Variants in CD226 observed in about 807,000 individuals in gnomAD.
The protein encoded by CD226 is CD226 antigen.
A neutral mutation model predicts 34.9 loss-of-function variants in CD226; 24 were observed. That is an observed-to-expected ratio of 0.69 (90% CI 0.50 to 0.97). CD226 has a LOEUF of 0.97. CD226 is among the 50% of genes least tolerant of loss of function. CD226 has a pLI of 0.00. For synonymous variants in CD226, 148 were observed against 147.4 expected (o/e 1.00, Z -0.03); for missense variants, 397 against 412.7 (o/e 0.96, Z 0.33).
rs559355708 is a variant in CD226, at chr18:69,947,777, A to G, written c.-371T>C. On this transcript the variant is annotated 5_prime_UTR_variant, in exon 1 of 6. The change abolishes the stop of an existing upstream ORF in the 5' untranslated region. Transcript: ENST00000582621. ...AAAAAATATTGCCATGATAGAACTT[A>G]CATTCTATGTGGAGGAGGCAGAAAC... 1 of 163,756 alleles carries G rather than the reference A, an allele frequency of 6.1e-6. No individual in the cohort carries two copies. Among genetic ancestry groups the G allele is most frequent in the East Asian group, 1.7e-4 (1 of 5,952 alleles). The allele number at this position is 163,756 out of a possible 1,614,324, so 10.1% of individuals were successfully genotyped here.
intron 3 of CD226, among the ~76,000 whole-genome samples, chr18:69,889,348 T>C (rs1044573835): frequency 2.0e-5 from 3 of 152,138 alleles, no homozygotes. Flanking sequence ...AAGGCTGAGG[T>C]TCACCACACA....
chr18:69,905,521 G>T (rs920824029), intron 2 of CD226, among the ~76,000 whole-genome samples: 2 of 152,132 alleles, frequency 1.3e-5, no homozygotes, highest in Admixed American at 1.3e-4. Flanking sequence ...GCACCGCGGG[G>T]CAGAGGGCAG....
intron 4 of CD226, 87 bp from the exon 5 acceptor site, chr18:69,867,498 T>C: frequency 1.2e-6 from 1 of 827,682 alleles, no homozygotes; most frequent in Non-Finnish European, 2.1e-6. Context: ...ACTGTACCCC[T>C]AGCCCACATG....
intron 3 of CD226, among the ~76,000 whole-genome samples, chr18:69,884,741 A>T (rs560191680): frequency 6.6e-6 from 1 of 152,314 alleles, no homozygotes; most frequent in African/African-American, 2.4e-5. Context: ...GCTAACACAC[A>T]CAGTCATCCC....
intron 2 of CD226, among the ~76,000 whole-genome samples, chr18:69,905,318 C>T (rs1282217898): frequency 6.6e-6 from 1 of 151,438 alleles, no homozygotes; most frequent in Non-Finnish European, 1.5e-5. Flanking sequence ...TGCACTTGTC[C>T]TTGTTAAAAT....
intron 4 of CD226, among the ~76,000 whole-genome samples, chr18:69,872,831 G>A (rs550627419): frequency 3.6e-4 from 55 of 152,148 alleles, no homozygotes; most frequent in African/African-American, 1.2e-3. Context: ...TCCATCTCGC[G>A]CTGTGTCATA....
At chr18:69,948,494 T>C (rs2055819121), upstream of CD226, among the ~76,000 whole-genome samples, 2 of 152,304 alleles carry the variant, frequency 1.3e-5, no homozygotes, top group Middle Eastern at 3.4e-3. Flanking sequence ...TGTGACTCAG[T>C]CTCAAAGTGT....
At position 69,858,041 on chromosome 18, in the gene CD226, A is replaced by G. The variant is rs545723291; in HGVS notation, c.*6273T>C. ...AAGTTAAAGTCTAGAAAAATATGCA[A>G]TGTATACATGCGGATGATTAGTAAA... On this transcript the variant is annotated 3_prime_UTR_variant, in exon 6 of 6. Transcript: ENST00000582621. 3.3e-5 allele frequency: 5 copies of G among 152,344 alleles called. No homozygotes were observed. The highest frequency in any genetic ancestry group is 1.9e-4 in the East Asian group (1 of 5,188). The allele number at this position is 152,344 out of a possible 1,614,324, so 9.4% of individuals were successfully genotyped here. A position where few individuals can be genotyped will look rare whatever the true frequency, so the allele number is the denominator to read the frequency against.
chr18:69,928,958 C>G (rs1191102897), intron 2 of CD226, among the ~76,000 whole-genome samples: 2 of 152,176 alleles, frequency 1.3e-5, no homozygotes, highest in African/African-American at 4.8e-5. Context: ...GGGACCAAGC[C>G]TTAGAAGACC....
At chr18:69,955,991 C>A (rs2055894462) in intron 1 of CD226, among the ~76,000 whole-genome samples, 1 of 152,082 alleles carries the variant, frequency 6.6e-6, no homozygotes. Context: ...ACCACGATAC[C>A]CTTAGAACCT....
chr18:69,860,860 C>T lies in CD226; in HGVS notation c.*3454G>A, dbSNP rs1345002293. 1 of 152,068 alleles carries T rather than the reference C, an allele frequency of 6.6e-6. No homozygotes were observed. The highest frequency in any genetic ancestry group is 1.5e-5 in the Non-Finnish European group (1 of 67,968). 9.4% of individuals were successfully genotyped at this position (152,068 alleles called of 1,614,324 possible). On this transcript the variant is annotated 3_prime_UTR_variant, in exon 6 of 6. Transcript: ENST00000582621. ...TTGTACTCACAATTTAGCGTCTCCA[C>T]TTACACTTTATAAGCATCTTTATAA...
chr18:69,934,788 G>A (rs1316984225), intron 2 of CD226, among the ~76,000 whole-genome samples: 1 of 152,164 alleles, frequency 6.6e-6, no homozygotes, highest in Non-Finnish European at 1.5e-5. Context: ...CATCAACTGA[G>A]TTATTTAATT....
chr18:69,868,839 A>G (rs1487885999), intron 4 of CD226, among the ~76,000 whole-genome samples: 2 of 152,208 alleles, frequency 1.3e-5, no homozygotes, highest in African/African-American at 4.8e-5. Flanking sequence ...ACACACATAC[A>G]CATTTAAATA....
At chr18:69,943,378 C>T (rs2055749897) in intron 2 of CD226, among the ~76,000 whole-genome samples, 1 of 152,128 alleles carries the variant, frequency 6.6e-6, no homozygotes. Context: ...AAATGTGGTC[C>T]CCCAAGTCAT....
intron 3 of CD226, among the ~76,000 whole-genome samples, chr18:69,884,189 C>T (rs551687325): frequency 6.6e-6 from 1 of 152,220 alleles, no homozygotes; most frequent in Non-Finnish European, 1.5e-5. Flanking sequence ...CAGAGCAAGA[C>T]CCTGTCTCTA....
rs1279104061 is a variant in CD226 at position 69,889,753 on chromosome 18, C to A, written c.727+5948G>T. On this transcript the variant is annotated intron_variant, in intron 3 of 5. Coordinates refer to ENST00000582621, the MANE Select transcript of CD226 (RefSeq NM_001303618.2). ...ATACGGATGTATTTATAACTTACAG[C>A]ACTCTATTCCCCTGTCCTTCCTCCT... Among the ~76,000 whole-genome samples, 4 of 152,230 alleles carry A rather than the reference C, an allele frequency of 2.6e-5. No individual in the cohort carries two copies. In the East Asian group the frequency reaches 7.7e-4, roughly 29 times the overall value.
chr18:69,883,661 G>A (rs919983942), intron 3 of CD226, among the ~76,000 whole-genome samples: 11 of 152,202 alleles, frequency 7.2e-5, no homozygotes, highest in African/African-American at 2.4e-4. Flanking sequence ...GAAGATGTAT[G>A]TATATAAGAC....
intron 5 of CD226, among the ~76,000 whole-genome samples, chr18:69,865,239 C>G (rs959995860): frequency 3.3e-5 from 5 of 152,154 alleles, no homozygotes; most frequent in Non-Finnish European, 7.3e-5. Context: ...ATCCGCCCAC[C>G]TCAGCCTCCC....
intron 3 of CD226, among the ~76,000 whole-genome samples, chr18:69,878,235 C>G (rs1177255189): frequency 1.3e-5 from 2 of 152,016 alleles, no homozygotes; most frequent in African/African-American, 4.8e-5. Flanking sequence ...CACTTATATC[C>G]CAATGCTGTG....
Sources: gnomAD v4.1 joint callset for allele counts (sites outside exome capture counted in the v4.1 genomes callset) on GRCh38, gnomAD v4.1.1 for gene constraint, MANE v1.5 for transcripts, NCBI Gene and HGNC (gene_info 2026-07-23, HGNC 2026-07-21) for gene names.